KCNH7: variants seen among roughly 807,000 people sequenced by gnomAD.
The protein encoded by KCNH7 is potassium voltage-gated channel subfamily H member 7.
In KCNH7, 49 loss-of-function variants were observed where a neutral mutation model predicts 120.8. The ratio of observed to expected loss-of-function variants is 0.41; its 90% CI spans 0.32 to 0.51. The LOEUF (loss-of-function observed/expected upper bound fraction) is 0.51, where lower values mean the gene tolerates loss of function less well. KCNH7 is among the 20% of genes least tolerant of loss of function. The probability of loss-of-function intolerance (pLI) is 0.38; values close to 1 mark genes in which losing one functional copy is unlikely to be tolerated. For synonymous variants in KCNH7, 547 were observed against 516.1 expected, an observed-to-expected ratio of 1.06 and a Z score of -0.81; for missense variants, 1,097 against 1,446.6, an observed-to-expected ratio of 0.76 and a Z score of 3.92.
intron 2 of KCNH7, among the ~76,000 whole-genome samples, chr2:162,696,910 T>A (rs918136403): frequency 2.6e-5 from 4 of 151,714 alleles, no homozygotes; most frequent in African/African-American, 9.7e-5. Flanking sequence ...CTCTAACTGG[T>A]CTTTGGATGA....
At chr2:162,753,042 T>C (rs1213867326) in intron 2 of KCNH7, among the ~76,000 whole-genome samples, 1 of 52,848 alleles carries the variant, frequency 1.9e-5, no homozygotes, top group East Asian at 3.7e-4. Context: ...CCCTGACTAA[T>C]AATAATCAAT....
chr2:162,388,531 T>C (rs1318767560), intron 12 of KCNH7, among the ~76,000 whole-genome samples: 1 of 151,836 alleles, frequency 6.6e-6, no homozygotes, highest in East Asian at 1.9e-4. Flanking sequence ...CTTGAAAAGA[T>C]CAAAAGATAC....
chr2:162,796,910 A>G (rs1684167611), intron 2 of KCNH7: 1 of 151,892 alleles, frequency 6.6e-6, no homozygotes, highest in Non-Finnish European at 1.5e-5. Flanking sequence ...CTCAGAAAAC[A>G]TCTCCTGTTC....
At chr2:162,586,424 C>A (rs1240149540) in intron 2 of KCNH7, among the ~76,000 whole-genome samples, 1 of 152,028 alleles carries the variant, frequency 6.6e-6, no homozygotes, top group Non-Finnish European at 1.5e-5. Flanking sequence ...CCCAGGTGAG[C>A]CCTCAAATCT....
At chr2:162,672,868 AAG>A (rs1346752331) in intron 2 of KCNH7, among the ~76,000 whole-genome samples, 1 of 152,004 alleles carries the variant, frequency 6.6e-6, no homozygotes, top group Non-Finnish European at 1.5e-5. Flanking sequence ...AAAATTAAGA[AAG>A]AAAAACAGCT....
intron 2 of KCNH7, among the ~76,000 whole-genome samples, chr2:162,563,893 T>C (rs1203954751): frequency 6.6e-6 from 1 of 152,198 alleles, no homozygotes; most frequent in East Asian, 1.9e-4. Context: ...CAATGATTTA[T>C]TGTGGCGTTA....
intron 2 of KCNH7, among the ~76,000 whole-genome samples, chr2:162,757,618 A>G (rs556327659): frequency 6.6e-6 from 1 of 152,260 alleles, no homozygotes; most frequent in South Asian, 2.1e-4. Context: ...TTCTAGGTAA[A>G]GGAACTGCCA....
chr2:162,758,630 C>A (rs1040629027), intron 2 of KCNH7, among the ~76,000 whole-genome samples: 154 of 151,790 alleles, frequency 1.0e-3, no homozygotes, highest in African/African-American at 3.6e-3. Context: ...TTTGTATATA[C>A]CCATAGTTGT....
chr2:162,780,671 C>A (rs889440105), intron 2 of KCNH7, among the ~76,000 whole-genome samples: 2 of 152,104 alleles, frequency 1.3e-5, no homozygotes, highest in African/African-American at 2.4e-5. Flanking sequence ...AGACACACAG[C>A]CCCCATGTCT....
intron 2 of KCNH7, among the ~76,000 whole-genome samples, chr2:162,697,901 T>C (rs1479760111): frequency 6.6e-6 from 1 of 152,160 alleles, no homozygotes; most frequent in Non-Finnish European, 1.5e-5. Flanking sequence ...AAACTGCATG[T>C]TATTTGCCTC....
intron 2 of KCNH7, among the ~76,000 whole-genome samples, chr2:162,826,944 A>C (rs1685307177): frequency 6.6e-6 from 1 of 152,124 alleles, no homozygotes; most frequent in Admixed American, 6.6e-5. Flanking sequence ...GAAGCCATAC[A>C]GAATTTGCTT....
In KCNH7 at chr2:162,722,813, C is replaced by CTTTTTTTTTTTTTTTTT. The variant is rs894023630; in HGVS notation, c.307+113707_307+113723dup. ...AATCCTTTTCATTCATTCTTTTTTT[C>CTTTTTTTTTTTTTTTTT]TTTTTTTTTTTTTTTTTTGCTTCTC... is the stretch of plus-strand genomic sequence containing the variant. On this transcript the variant is annotated intron_variant, in intron 2 of 15. Transcript: ENST00000332142. Among the ~76,000 whole-genome samples, 102 of 85,088 alleles carry CTTTTTTTTTTTTTTTTT rather than the reference C, an allele frequency of 1.2e-3. 3 individuals are homozygous for CTTTTTTTTTTTTTTTTT. Among genetic ancestry groups the CTTTTTTTTTTTTTTTTT allele is most frequent in the Middle Eastern group, 7.0e-3 (1 of 142 alleles). 55.8% of individuals were successfully genotyped at this position (85,088 alleles called of 152,430 possible).
At chr2:162,699,733 T>C (rs556607223) in intron 2 of KCNH7, among the ~76,000 whole-genome samples, 1 of 152,160 alleles carries the variant, frequency 6.6e-6, no homozygotes, top group African/African-American at 2.4e-5. Flanking sequence ...CTCTAATAAC[T>C]TAAAGGACAG....
intron 2 of KCNH7, among the ~76,000 whole-genome samples, chr2:162,560,159 T>C (rs950117628): frequency 2.0e-5 from 3 of 152,192 alleles, no homozygotes; most frequent in Admixed American, 6.5e-5. Context: ...CAGAATTCAA[T>C]GAAGTAAATG....
chr2:162,434,123 A>G (rs1430664196), intron 8 of KCNH7, among the ~76,000 whole-genome samples: 5 of 152,122 alleles, frequency 3.3e-5, no homozygotes, highest in African/African-American at 7.2e-5. Context: ...GTGAATTAAT[A>G]CAGGAACAGA....
chr2:162,639,013 C>G (rs959940033), intron 2 of KCNH7, among the ~76,000 whole-genome samples: 6 of 152,072 alleles, frequency 3.9e-5, no homozygotes, highest in Admixed American at 2.6e-4. Context: ...TTGTAGGATG[C>G]CTAGCACAAT....
At chr2:162,745,120 A>T (rs1439177202) in intron 2 of KCNH7, among the ~76,000 whole-genome samples, 4 of 152,210 alleles carry the variant, frequency 2.6e-5, no homozygotes, top group African/African-American at 9.6e-5. Flanking sequence ...ATTTGAGAAT[A>T]TCCTTATATT....
chr2:162,499,324 C>T (rs973271542), intron 6 of KCNH7, among the ~76,000 whole-genome samples: 11 of 152,018 alleles, frequency 7.2e-5, no homozygotes, highest in Admixed American at 2.6e-4. Context: ...CTTTGTTCTC[C>T]GCCCAAATTT....
At chr2:162,646,087 C>A (rs774232605) in intron 2 of KCNH7, among the ~76,000 whole-genome samples, 8 of 152,098 alleles carry the variant, frequency 5.3e-5, no homozygotes, top group Non-Finnish European at 8.8e-5. Flanking sequence ...TCAGTGTATA[C>A]AGCAAAACAT....
Sources: allele counts gnomAD v4.1 joint callset (sites outside exome capture counted in the v4.1 genomes callset), GRCh38; gene constraint gnomAD v4.1.1; transcripts MANE v1.5; gene names NCBI Gene and HGNC (gene_info 2026-07-23, HGNC 2026-07-21).